Variants in ARVCF observed in about 807,000 individuals in gnomAD.
ARVCF encodes splicing regulator ARVCF.
Under a neutral mutation model 90.9 loss-of-function variants are expected in ARVCF, and 66 were observed. The observed-to-expected ratio is 0.73, with a 90% CI of 0.60 to 0.89. The LOEUF is 0.89. ARVCF is among the 40% of genes least tolerant of loss of function. ARVCF has a pLI of 0.00. For synonymous variants in ARVCF, 653 were observed against 603.4 expected (o/e 1.08, Z -1.21); for missense variants, 1,469 against 1,382.3 (o/e 1.06, Z -1.00).
intron 7 of ARVCF, 48 bp from the exon 8 acceptor site, chr22:19,978,123 C>G (rs1470530693): frequency 1.3e-6 from 2 of 1,529,790 alleles, no homozygotes; most frequent in African/African-American, 1.4e-5. Flanking sequence ...CCAGAAACTC[C>G]CTGGCTCCAC....
chr22:19,982,703 C>G (rs1943571757), intron 3 of ARVCF, among the ~76,000 whole-genome samples: 1 of 152,240 alleles, frequency 6.6e-6, no homozygotes, highest in Non-Finnish European at 1.5e-5. Flanking sequence ...CCAGAACACC[C>G]CATGCACCTG....
Position 19,993,213 on chromosome 22 carries a change from G to A in ARVCF, c.-18-2401C>T, listed in dbSNP as rs143041835. Among the ~76,000 whole-genome samples the A allele has an allele frequency of 3.4e-3, 525 of 152,192 alleles. 4 individuals carry two copies. The highest frequency in any genetic ancestry group is 0.031 in the Middle Eastern group (9 of 294). On this transcript the variant is annotated intron_variant, in intron 2 of 19. Coordinates refer to ENST00000263207, the MANE Select transcript of ARVCF (RefSeq NM_001670.3). The stretch of plus-strand genomic sequence containing the variant: ...ATCTCAGGTGTCTCAAGAGCAACCC[G>A]GGATATGCTCCAGGCAGAGCACAGA...
chr22:19,989,408 A>G (rs1032400624), intron 3 of ARVCF, among the ~76,000 whole-genome samples: 3 of 152,174 alleles, frequency 2.0e-5, no homozygotes, highest in African/African-American at 4.8e-5. Flanking sequence ...CTGGACACCA[A>G]GACTCAAGGA....
intron 17 of ARVCF, 40 bp from the exon 18 acceptor site, chr22:19,972,011 G>T: frequency 6.5e-7 from 1 of 1,544,072 alleles, no homozygotes; most frequent in South Asian, 1.2e-5. Context: ...GGCGCTCTGA[G>T]GGAGGCCCTG....
chr22:19,995,296 T>C (rs368339252), intron 2 of ARVCF, among the ~76,000 whole-genome samples: 3 of 149,900 alleles, frequency 2.0e-5, no homozygotes, highest in African/African-American at 7.4e-5. Context: ...GATGGAAGAA[T>C]GTGTAGGAGG....
chr22:19,996,993 A>C (rs1944277886), intron 2 of ARVCF, among the ~76,000 whole-genome samples: 1 of 152,184 alleles, frequency 6.6e-6, no homozygotes, highest in African/African-American at 2.4e-5. Context: ...GTCCAGGGAG[A>C]ATACTCAGAA....
chr22:20,016,540 C>G (rs902803833), intron 1 of ARVCF, 49 bp downstream of exon 1: 2 of 152,136 alleles, frequency 1.3e-5, no homozygotes, highest in Non-Finnish European at 2.9e-5. Flanking sequence ...GGCTCCGACC[C>G]GAGGCCCCAG....
At chr22:19,971,433 G>C (rs1205550108) in intron 18 of ARVCF, 98 bp from the exon 19 acceptor site, 2 of 1,410,968 alleles carry the variant, frequency 1.4e-6, no homozygotes, top group Non-Finnish European at 1.9e-6. Flanking sequence ...GGCGATGTAA[G>C]GGTTGGCCTG....
chr22:20,011,352 G>A (rs981335283), intron 1 of ARVCF, among the ~76,000 whole-genome samples: 4 of 152,046 alleles, frequency 2.6e-5, no homozygotes, highest in African/African-American at 9.7e-5. Flanking sequence ...GGCCTCGGAT[G>A]GGAGGCTGTC....
chr22:20,011,662 G>C (rs1944837353), intron 1 of ARVCF, among the ~76,000 whole-genome samples: 1 of 152,190 alleles, frequency 6.6e-6, no homozygotes, highest in South Asian at 2.1e-4. Flanking sequence ...ATATGAGTGT[G>C]TGTGTGCACC....
Position 19,971,315 on chromosome 22 carries a change from G to A in ARVCF, c.2802C>T (p.Ala934=), listed in dbSNP as rs1475679838. ...EPLKLDPSRK[A]PPPGPSRPAV... ...CGGGCCTGCTGGGCCCGGGGGGAGG[G>A]GCCTTCCTGCTGGGGTCGAGCTGCA... The change falls in exon 19 of 20, where the codon GCC becomes GCT. Residue 934 remains alanine, a synonymous_variant. Transcript: ENST00000263207. The A allele has an allele frequency of 2.6e-6, 4 of 1,555,048 alleles. No individual in the cohort carries two copies. Among genetic ancestry groups the A allele is most frequent in the South Asian group, 1.2e-5 (1 of 84,480 alleles).
intron 3 of ARVCF, among the ~76,000 whole-genome samples, chr22:19,985,378 C>T (rs1943711225): frequency 6.6e-6 from 1 of 152,210 alleles, no homozygotes. Context: ...CCATGAGCTC[C>T]CTTGGGCTTG....
intron 3 of ARVCF, among the ~76,000 whole-genome samples, chr22:19,989,385 G>A (rs555815768): frequency 6.6e-5 from 10 of 152,230 alleles, no homozygotes; most frequent in Admixed American, 2.6e-4. Flanking sequence ...ACGCCTGCTG[G>A]CCGACACCAA....
chr22:19,980,135 C>A lies in ARVCF; in HGVS notation c.1004G>T (p.Ser335Ile), dbSNP rs1368824467. 6.3e-7 allele frequency: 1 copy of A among 1,591,618 alleles called. No individual in the cohort carries two copies. Among genetic ancestry groups the A allele is most frequent in the African/African-American group, 1.3e-5 (1 of 74,774 alleles). ...CGAGCGCCGCACCAGCCGGTCCAGG[C>A]TGCCCATGCTGCCCCGTTCAGGCTG... ...LAQPERGSMG[S>I]LDRLVRRSPS... The change falls in exon 6 of 20, where the codon AGC becomes ATC. Residue 335 changes from serine to isoleucine, a missense_variant. By Grantham distance (142) the Ser-to-Ile change is moderately radical (BLOSUM62 -2). Transcript: ENST00000263207.
intron 3 of ARVCF, among the ~76,000 whole-genome samples, chr22:19,983,291 C>T (rs1481028283): frequency 2.0e-5 from 3 of 152,242 alleles, no homozygotes; most frequent in African/African-American, 7.2e-5. Context: ...GGTCCCTTGC[C>T]TGGGCCCCCT....
rs771147815 is a variant in ARVCF at position 19,973,644 on chromosome 22, G to A, written c.2238C>T (p.Ile746=). The part of the protein sequence containing the change: ...LSLDRRNKDL[I]GSYAMAELVR... ...CGTGGGCTTTGCAGGCGTCCTCACC[G>A]ATGAGGTCTTTGTTGCGCCGGTCCA... Residue 746 remains isoleucine (I), a splice_region_variant and synonymous_variant, in exon 13 of 20, where the codon ATC becomes ATT. Transcript: ENST00000263207. 1.9e-6 allele frequency: 3 copies of A among 1,605,586 alleles called. No individual in the cohort carries two copies. The highest frequency in any genetic ancestry group is 1.1e-5 in the South Asian group (1 of 90,824).
intron 2 of ARVCF, among the ~76,000 whole-genome samples, chr22:19,992,343 G>C (rs2146389882): frequency 6.6e-6 from 1 of 152,318 alleles, no homozygotes; most frequent in Admixed American, 6.5e-5. Flanking sequence ...GAGAGCTGGG[G>C]GCCGCCGCCC....
chr22:20,007,248 A>T (rs1185369146), intron 2 of ARVCF, among the ~76,000 whole-genome samples: 2 of 152,132 alleles, frequency 1.3e-5, no homozygotes, highest in Admixed American at 6.5e-5. Flanking sequence ...AAAAAAATTT[A>T]AAAATTAGCT....
chr22:20,009,440 A>C (rs1944747671), intron 2 of ARVCF, among the ~76,000 whole-genome samples: 1 of 152,010 alleles, frequency 6.6e-6, no homozygotes, highest in Admixed American at 6.5e-5. Flanking sequence ...TCTCCCTACC[A>C]CTTAGGCACA....
Sources: gnomAD v4.1 joint callset for allele counts (sites outside exome capture counted in the v4.1 genomes callset) on GRCh38, gnomAD v4.1.1 for gene constraint, MANE v1.5 for transcripts, NCBI Gene and HGNC (gene_info 2026-07-23, HGNC 2026-07-21) for gene names.